Variants in RELL1 observed in about 807,000 individuals in gnomAD.
RELL1 encodes RELT-like protein 1.
RELL1 carries 10 observed loss-of-function variants against 23.0 expected under a neutral mutation model. The ratio of observed to expected loss-of-function variants is 0.43; its 90% CI spans 0.27 to 0.74. The LOEUF (loss-of-function observed/expected upper bound fraction) is 0.74. Ranked by LOEUF, RELL1 falls within the 30% of genes least tolerant of loss-of-function variation. The pLI, the probability that RELL1 is intolerant of heterozygous loss-of-function variation, is 0.19. For synonymous variants in RELL1, 146 were observed against 146.8 expected (o/e 0.99, Z 0.04); for missense variants, 315 against 364.4 (o/e 0.86, Z 1.10).
At chr4:37,679,926 T>A (rs920180303) in intron 1 of RELL1, among the ~76,000 whole-genome samples, 1 of 152,074 alleles carries the variant, frequency 6.6e-6, no homozygotes, top group Non-Finnish European at 1.5e-5. Context: ...CACTCCAGCC[T>A]GGGAGACAGA....
chr4:37,638,051 C>G (rs1031152307), intron 4 of RELL1, among the ~76,000 whole-genome samples: 1 of 152,216 alleles, frequency 6.6e-6, no homozygotes, highest in African/African-American at 2.4e-5. Flanking sequence ...ACAGGCAGGA[C>G]TCAACCACAT....
intron 1 of RELL1, among the ~76,000 whole-genome samples, chr4:37,653,149 G>A (rs535622549): frequency 1.3e-5 from 2 of 152,312 alleles, no homozygotes; most frequent in East Asian, 3.9e-4. Flanking sequence ...TAGGCAGATA[G>A]CTACTGATAA....
intron 1 of RELL1, among the ~76,000 whole-genome samples, chr4:37,673,753 C>T (rs1234710301): frequency 6.6e-6 from 1 of 152,118 alleles, no homozygotes; most frequent in Admixed American, 6.5e-5. Context: ...TGTCTCCTTT[C>T]GGCTCAGCCT....
intron 3 of RELL1, among the ~76,000 whole-genome samples, chr4:37,639,430 T>A (rs1648039298): frequency 2.2e-5 from 3 of 136,620 alleles, no homozygotes; most frequent in South Asian, 2.5e-4. Flanking sequence ...GATCACAACA[T>A]ATAAGTTATG....
intron 5 of RELL1, 46 bp from the exon 6 acceptor site, chr4:37,631,569 A>C (rs1222766026): frequency 6.3e-7 from 1 of 1,596,786 alleles, no homozygotes; most frequent in Admixed American, 1.8e-5. Context: ...TTTTCTAATA[A>C]ACAAGAATTA....
At chr4:37,624,281 G>A (rs1719864800) in intron 6 of RELL1, among the ~76,000 whole-genome samples, 1 of 152,084 alleles carries the variant, frequency 6.6e-6, no homozygotes, top group South Asian at 2.1e-4. Context: ...GGCCGAAAAC[G>A]TCTCTGTCCA....
chr4:37,594,919 T>C (rs997025503), intron 6 of RELL1, among the ~76,000 whole-genome samples: 2 of 152,238 alleles, frequency 1.3e-5, no homozygotes, highest in African/African-American at 2.4e-5. Context: ...ATGCAGCAGA[T>C]AGAGCACAGT....
chr4:37,605,862 G>GAA (rs1332469704), downstream of RELL1, among the ~76,000 whole-genome samples: 13 of 136,810 alleles, frequency 9.5e-5, no homozygotes, highest in African/African-American at 3.4e-4. Flanking sequence ...GAAAAGAAAA[G>GAA]AAAGAGAAAG....
intron 1 of RELL1, among the ~76,000 whole-genome samples, chr4:37,663,898 G>C (rs1721440754): frequency 6.6e-6 from 1 of 152,076 alleles, no homozygotes; most frequent in Admixed American, 6.5e-5. Context: ...CTAAGAAGCT[G>C]CCTCTCTCCA....
At position 37,673,186 on chromosome 4, in the gene RELL1, C is replaced by CTTTTTTTTTTTTTT. The variant is rs71189095; in HGVS notation, c.88+13000_88+13013dup. Among the ~76,000 whole-genome samples, 148 of 93,188 alleles carry CTTTTTTTTTTTTTT rather than the reference C, an allele frequency of 1.6e-3. 7 individuals are homozygous for CTTTTTTTTTTTTTT. The highest frequency in any genetic ancestry group is 2.1e-3 in the African/African-American group (51 of 24,278). 61.1% of individuals were successfully genotyped at this position (93,188 alleles called of 152,430 possible). A position where few individuals can be genotyped will look rare whatever the true frequency, so the allele number is the denominator to read the frequency against. On this transcript the variant is annotated intron_variant, in intron 1 of 6. Transcript: ENST00000454158. ...CATCAAGACTATATACTTTTTTTTT[C>CTTTTTTTTTTTTTT]TTTTTTTTTTTTTTTTTTTTTGAGA...
At chr4:37,587,769 G>A (rs897030895), downstream of RELL1, among the ~76,000 whole-genome samples, 1 of 152,112 alleles carries the variant, frequency 6.6e-6, no homozygotes. Flanking sequence ...AGGAGTTTGA[G>A]ACCAGCATGG....
chr4:37,679,240 G>T (rs75281854), intron 1 of RELL1, among the ~76,000 whole-genome samples: 1 of 152,128 alleles, frequency 6.6e-6, no homozygotes, highest in East Asian at 1.9e-4. Context: ...CCATCTAGCC[G>T]ACAAGTTTCC....
chr4:37,592,627 CTTTAG>C (rs1718675768), intron 6 of RELL1, among the ~76,000 whole-genome samples: 1 of 152,168 alleles, frequency 6.6e-6, no homozygotes, highest in Admixed American at 6.5e-5. Context: ...ATGGAAGATG[CTTTAG>C]TTTGGTGTTT....
rs540010832 is a variant in RELL1 at position 37,627,303 on chromosome 4, G to A, written c.*3+4082C>T. On this transcript the variant is annotated intron_variant, in intron 6 of 6. Coordinates refer to ENST00000454158, the MANE Select transcript of RELL1 (RefSeq NM_001085400.2). ...CATGCGACACAGAATGCTTAGGACA[G>A]GATCATTTTTAAAAAGCCAAAGACC... Among the ~76,000 whole-genome samples the A allele has an allele frequency of 6.6e-5, 10 of 152,278 alleles. No homozygotes were observed. In the South Asian group the frequency reaches 2.1e-3, roughly 32 times the overall value.
chr4:37,633,324 G>A (rs1022955293), intron 5 of RELL1, among the ~76,000 whole-genome samples: 2 of 141,430 alleles, frequency 1.4e-5, no homozygotes, highest in African/African-American at 5.3e-5. Flanking sequence ...CACGACAATC[G>A]TTTGAGCCCA....
At chr4:37,605,777 G>A (rs1257646501), downstream of RELL1, among the ~76,000 whole-genome samples, 1 of 125,218 alleles carries the variant, frequency 8.0e-6, no homozygotes, top group Non-Finnish European at 1.7e-5. Context: ...GAGAGAGAGA[G>A]AGAGAGAGAA....
downstream of RELL1, among the ~76,000 whole-genome samples, chr4:37,587,292 T>C (rs867713575): frequency 7.9e-5 from 12 of 152,148 alleles, no homozygotes; most frequent in South Asian, 2.1e-4. Context: ...CTTAATCACA[T>C]CTGCAAATAC....
At chr4:37,649,523 T>G in intron 1 of RELL1, 23 bp from the exon 2 acceptor site, 2 of 1,585,088 alleles carry the variant, frequency 1.3e-6, no homozygotes, top group Non-Finnish European at 1.7e-6. Flanking sequence ...ACATGCATGC[T>G]GCATTAGATA....
At chr4:37,626,754 C>T (rs1207647090) in intron 6 of RELL1, among the ~76,000 whole-genome samples, 2 of 151,960 alleles carry the variant, frequency 1.3e-5, no homozygotes, top group Non-Finnish European at 2.9e-5. Flanking sequence ...AAACCTGGAG[C>T]ACATTACATT....
Sources: gnomAD v4.1 joint callset for allele counts (sites outside exome capture counted in the v4.1 genomes callset) on GRCh38, gnomAD v4.1.1 for gene constraint, MANE v1.5 for transcripts, NCBI Gene and HGNC (gene_info 2026-07-23, HGNC 2026-07-21) for gene names.